SRGN: variants seen among roughly 807,000 people sequenced by gnomAD.
SRGN encodes the protein serglycin.
Under a neutral mutation model 9.5 loss-of-function variants are expected in SRGN, and 2 were observed. That is an observed-to-expected ratio of 0.21 (90% CI 0.09 to 0.66). The LOEUF (loss-of-function observed/expected upper bound fraction) is 0.66. SRGN is among the 30% of genes least tolerant of loss of function. SRGN has a pLI of 0.83. For missense variants in SRGN, 170 were observed against 192.4 expected, an observed-to-expected ratio of 0.88 and a Z score of 0.69; for synonymous variants, 59 against 72.3, an observed-to-expected ratio of 0.82 and a Z score of 0.93.
chr10:69,096,993 CG>C, intron 1 of SRGN, 90 bp from the exon 2 acceptor site: 1 of 1,376,814 alleles, frequency 7.3e-7, no homozygotes, highest in Non-Finnish European at 9.8e-7. Context: ...GACCCTGTCT[CG>C]AAAAAAAAAT....
chr10:69,104,006 A>G lies in SRGN; in HGVS notation c.363A>G (p.Gln121=), dbSNP rs1288916072. The G allele has an allele frequency of 1.9e-6, 3 of 1,614,118 alleles. No homozygotes were observed. The African/African-American group carries it at 4.0e-5, about 22-fold the overall frequency. The change falls in exon 3 of 3, where the codon CAA becomes CAG. Residue 121 remains glutamine, a synonymous_variant. Transcript: ENST00000242465. The part of the protein sequence containing the change: ...GFLTEMEQDY[Q]LVDESDAFHD... ...TAACGGAAATGGAACAGGATTACCA[A>G]CTAGTAGACGAAAGTGATGCTTTCC...
chr10:69,098,318 A>G (rs376034390), intron 2 of SRGN, among the ~76,000 whole-genome samples: 40 of 152,380 alleles, frequency 2.6e-4, no homozygotes, highest in African/African-American at 9.4e-4. Flanking sequence ...AAGGAAGGCC[A>G]GACACCAAAA....
upstream of SRGN, among the ~76,000 whole-genome samples, chr10:69,087,848 C>T (rs930859358): frequency 1.3e-5 from 2 of 151,910 alleles, no homozygotes; most frequent in Non-Finnish European, 2.9e-5. Flanking sequence ...GCTGATTCTA[C>T]TGTTTCGGTG....
Position 69,103,987 on chromosome 10 carries a change from A to C in SRGN, c.344A>C (p.Glu115Ala). The C allele has an allele frequency of 1.2e-6, 2 of 1,614,218 alleles. No individual in the cohort carries two copies. Among genetic ancestry groups the C allele is most frequent in the Non-Finnish European group, 1.7e-6 (2 of 1,180,046 alleles). Residue 115 changes from glutamate to alanine, a missense_variant, in exon 3 of 3, where the codon GAA (glutamate) becomes GCA (alanine). Physicochemically the swap from Glu to Ala is moderately radical, Grantham distance 107. Transcript: ENST00000242465. Reference protein sequence around the residue: ...GSGSGSGFLTEMEQDYQLVDE... With the variant: ...GSGSGSGFLTAMEQDYQLVDE... ...GGATCTGGGAGTGGCTTCCTAACGG[A>C]AATGGAACAGGATTACCAACTAGTA...
At chr10:69,090,099 G>C (rs533715765) in intron 1 of SRGN, among the ~76,000 whole-genome samples, 5 of 152,062 alleles carry the variant, frequency 3.3e-5, no homozygotes, top group Non-Finnish European at 7.4e-5. Context: ...TCTCAGTATC[G>C]GGCTCAAGGG....
At chr10:69,094,097 T>C (rs1335125003) in intron 1 of SRGN, among the ~76,000 whole-genome samples, 1 of 152,166 alleles carries the variant, frequency 6.6e-6, no homozygotes, top group Non-Finnish European at 1.5e-5. Flanking sequence ...TTATTAACTC[T>C]ATTACTGCCC....
intron 2 of SRGN, among the ~76,000 whole-genome samples, chr10:69,103,290 C>T (rs555261675): frequency 9.9e-6 from 1 of 100,638 alleles, no homozygotes; most frequent in Non-Finnish European, 2.3e-5. Flanking sequence ...GTGGCTCACA[C>T]CTGTAATCCC....
chr10:69,103,727 G>T, intron 2 of SRGN, 144 bp from the exon 3 acceptor site: 1 of 914,228 alleles, frequency 1.1e-6, no homozygotes, highest in Non-Finnish European at 1.6e-6. Flanking sequence ...TTAAAACATT[G>T]AATAATTGGG....
chr10:69,097,181 A>C lies in SRGN; in HGVS notation c.177A>C (p.Leu59=), dbSNP rs1840192215. Residue 59 remains leucine, a synonymous_variant, in exon 2 of 3, where the codon CTA becomes CTC. Coordinates refer to ENST00000242465, the MANE Select transcript of SRGN (RefSeq NM_002727.4). ...CLEEKGPMFE[L]LPGESNKIPR... ...AAGAAAAAGGACCAATGTTCGAACTACTTCCAGGTGAATCCAACAAGATCC... is the reference window on the plus strand; with the variant it reads ...AAGAAAAAGGACCAATGTTCGAACTCCTTCCAGGTGAATCCAACAAGATCC... The C allele has an allele frequency of 1.9e-6, 3 of 1,613,900 alleles. 1 individual carries two copies. In the South Asian group the frequency reaches 3.3e-5, roughly 18 times the overall value.
intron 1 of SRGN, among the ~76,000 whole-genome samples, chr10:69,091,710 T>A (rs987254128): frequency 2.7e-5 from 4 of 150,820 alleles, no homozygotes; most frequent in African/African-American, 7.3e-5. Context: ...GAAACCCCCA[T>A]CTCTACTAAA....
At chr10:69,091,650 G>T (rs1448520024) in intron 1 of SRGN, among the ~76,000 whole-genome samples, 1 of 151,118 alleles carries the variant, frequency 6.6e-6, no homozygotes, top group Non-Finnish European at 1.5e-5. Context: ...AGACCGAGGA[G>T]TGTGGATCAC....
chr10:69,101,291 A>C (rs1840285449), intron 2 of SRGN, among the ~76,000 whole-genome samples: 1 of 152,020 alleles, frequency 6.6e-6, no homozygotes, highest in Admixed American at 6.6e-5. Context: ...TGCTATTGCT[A>C]ATCTCTGGGT....
chr10:69,104,145 C>T lies in SRGN; in HGVS notation c.*25C>T. ...AAAGAGGATTTTCCCACCTTGACAC[C>T]AGGCAATGTAGTTAGCATATTTTAT... On this transcript the variant is annotated 3_prime_UTR_variant, in exon 3 of 3. Coordinates refer to ENST00000242465, the MANE Select transcript of SRGN (RefSeq NM_002727.4). 1 of 1,607,830 alleles carries T rather than the reference C, an allele frequency of 6.2e-7. No homozygotes were observed. Among genetic ancestry groups the T allele is most frequent in the East Asian group, 2.2e-5 (1 of 44,700 alleles).
chr10:69,092,604 G>C (rs1840087212), intron 1 of SRGN, among the ~76,000 whole-genome samples: 1 of 152,042 alleles, frequency 6.6e-6, no homozygotes, highest in South Asian at 2.1e-4. Flanking sequence ...GACTAGCCTG[G>C]CCAACATGGT....
chr10:69,098,719 G>A (rs1405630824), intron 2 of SRGN: 1 of 152,210 alleles, frequency 6.6e-6, no homozygotes, highest in African/African-American at 2.4e-5. Context: ...AGCACCTTGG[G>A]AGGCTGAGGT....
intron 2 of SRGN, among the ~76,000 whole-genome samples, chr10:69,099,628 T>C (rs1840250541): frequency 6.6e-6 from 1 of 152,124 alleles, no homozygotes; most frequent in Non-Finnish European, 1.5e-5. Flanking sequence ...CCATCACTGG[T>C]GACTTTCTCC....
At chr10:69,090,325 C>T (rs1207688473) in intron 1 of SRGN, among the ~76,000 whole-genome samples, 2 of 152,238 alleles carry the variant, frequency 1.3e-5, no homozygotes, top group Non-Finnish European at 2.9e-5. Context: ...AGGCTTTTGG[C>T]TTGCTTTTAC....
At chr10:69,094,407 G>T (rs764339598) in intron 1 of SRGN, among the ~76,000 whole-genome samples, 35 of 151,938 alleles carry the variant, frequency 2.3e-4, no homozygotes, top group Non-Finnish European at 4.6e-4. Context: ...TGTTTTTAGA[G>T]GAATATTGTT....
At chr10:69,090,059 T>A (rs544712966) in intron 1 of SRGN, among the ~76,000 whole-genome samples, 1 of 152,262 alleles carries the variant, frequency 6.6e-6, no homozygotes, top group Admixed American at 6.5e-5. Flanking sequence ...AGGGAGAAAC[T>A]GACAAACTAG....
Sources: gnomAD v4.1 joint callset for allele counts (sites outside exome capture counted in the v4.1 genomes callset) on GRCh38, gnomAD v4.1.1 for gene constraint, MANE v1.5 for transcripts, NCBI Gene and HGNC (gene_info 2026-07-23, HGNC 2026-07-21) for gene names.